Variants in DIP2C observed in about 807,000 individuals in gnomAD.
DIP2C encodes the protein disco-interacting protein 2 homolog C.
In DIP2C, 33 loss-of-function variants were observed where a neutral mutation model predicts 192.4. The observed-to-expected ratio is 0.17, with a 90% confidence interval of 0.13 to 0.23. The LOEUF (loss-of-function observed/expected upper bound fraction) is 0.23, where lower values mean the gene tolerates loss of function less well. DIP2C is among the 10% of genes least tolerant of loss of function. The pLI is 1.00. For missense variants in DIP2C, 1,537 were observed against 2,110.1 expected, an observed-to-expected ratio of 0.73 and a Z score of 5.32; for synonymous variants, 979 against 864.1, an observed-to-expected ratio of 1.13 and a Z score of -2.33.
At chr10:665,996 C>T (rs1256876516) in intron 1 of DIP2C, 1 of 152,258 alleles carries the variant, frequency 6.6e-6, no homozygotes, top group South Asian at 2.1e-4. Flanking sequence ...GGTGCTCTAA[C>T]TTCTCAGCGC....
In DIP2C at chr10:506,660, A is replaced by C. The variant is rs572484460; in HGVS notation, c.86-20130T>G. Among the ~76,000 whole-genome samples, 17 of 152,264 alleles carry C rather than the reference A, an allele frequency of 1.1e-4. No homozygotes were observed. In the South Asian group the frequency reaches 3.1e-3, roughly 28 times the overall value. ...GCACCAAGGGGCTGGGCACTCCTGC[A>C]GTCTGCAGCTGCCTCCTATCCCCCA... On this transcript the variant is annotated intron_variant, in intron 1 of 36. Coordinates refer to ENST00000280886, the MANE Select transcript of DIP2C (RefSeq NM_014974.3).
chr10:342,184 A>C (rs1466726342), intron 28 of DIP2C, among the ~76,000 whole-genome samples: 1 of 151,040 alleles, frequency 6.6e-6, no homozygotes, highest in Non-Finnish European at 1.5e-5. Flanking sequence ...TTTGAGATGG[A>C]GTCTTGCCCT....
intron 6 of DIP2C, 121 bp from the exon 7 acceptor site, chr10:416,009 G>A (rs968619376): frequency 8.2e-6 from 12 of 1,459,384 alleles, no homozygotes; most frequent in Middle Eastern, 2.0e-4. Flanking sequence ...TCCTAGATGC[G>A]ATCCTGGGAA....
intron 18 of DIP2C, among the ~76,000 whole-genome samples, chr10:367,236 T>G (rs1960361993): frequency 6.6e-6 from 1 of 151,894 alleles, no homozygotes; most frequent in Non-Finnish European, 1.5e-5. Context: ...GCTAACATGG[T>G]GAAACCCCGT....
chr10:445,570 CAT>C (rs1968110265), intron 3 of DIP2C, among the ~76,000 whole-genome samples: 2 of 150,644 alleles, frequency 1.3e-5, no homozygotes, highest in African/African-American at 4.9e-5. Context: ...CATCTGTATA[CAT>C]CTGTTGTGAA....
intron 3 of DIP2C, among the ~76,000 whole-genome samples, chr10:460,344 C>G (rs542558218): frequency 6.6e-6 from 1 of 152,288 alleles, no homozygotes; most frequent in Middle Eastern, 3.4e-3. Flanking sequence ...TCTAGGTGCT[C>G]AATAAATGCC....
intron 1 of DIP2C, among the ~76,000 whole-genome samples, chr10:688,855 G>C (rs1039530608): frequency 6.6e-6 from 1 of 152,138 alleles, no homozygotes; most frequent in South Asian, 2.1e-4. Flanking sequence ...TGACGATTCC[G>C]CCCAGCCCTC....
chr10:386,366 A>T (rs759373320), intron 14 of DIP2C, among the ~76,000 whole-genome samples: 2 of 152,230 alleles, frequency 1.3e-5, no homozygotes, highest in Non-Finnish European at 2.9e-5. Flanking sequence ...GACATGCCTG[A>T]GTCACAAAGC....
chr10:471,950 T>G (rs2133441850), intron 3 of DIP2C, among the ~76,000 whole-genome samples: 1 of 152,150 alleles, frequency 6.6e-6, no homozygotes, highest in Middle Eastern at 3.4e-3. Context: ...TTAATGAAAT[T>G]TCAGCTGGCC....
At chr10:452,177 A>G (rs564111861) in intron 3 of DIP2C, among the ~76,000 whole-genome samples, 1 of 152,320 alleles carries the variant, frequency 6.6e-6, no homozygotes, top group South Asian at 2.1e-4. Flanking sequence ...GGAGTCACTA[A>G]AAACAATTGC....
intron 1 of DIP2C, among the ~76,000 whole-genome samples, chr10:619,384 T>C (rs1007603433): frequency 1.3e-5 from 2 of 152,216 alleles, no homozygotes; most frequent in African/African-American, 4.8e-5. Flanking sequence ...ACCGTCTCCT[T>C]GCCTCCCTCA....
intron 1 of DIP2C, among the ~76,000 whole-genome samples, chr10:601,069 G>C (rs1203034371): frequency 2.0e-5 from 3 of 152,150 alleles, no homozygotes; most frequent in East Asian, 1.9e-4. Context: ...ACTCTGAAAT[G>C]AATTTGCCAC....
chr10:557,665 C>T (rs1848949915), intron 1 of DIP2C, among the ~76,000 whole-genome samples: 1 of 78,674 alleles, frequency 1.3e-5, no homozygotes, highest in East Asian at 4.1e-4. Context: ...CAGGCACATA[C>T]ACATGTGGGG....
chr10:618,131 T>C (rs1379897870), intron 1 of DIP2C, among the ~76,000 whole-genome samples: 1 of 152,254 alleles, frequency 6.6e-6, no homozygotes, highest in South Asian at 2.1e-4. Flanking sequence ...GTGAAACAAG[T>C]ATCTTCAACA....
At chr10:422,545 G>A (rs1966266737) in intron 5 of DIP2C, among the ~76,000 whole-genome samples, 2 of 152,186 alleles carry the variant, frequency 1.3e-5, no homozygotes, top group Admixed American at 6.5e-5. Context: ...GACTGTTAAG[G>A]TTTCATGTAG....
At chr10:573,308 G>C (rs1454624539) in intron 1 of DIP2C, among the ~76,000 whole-genome samples, 1 of 152,028 alleles carries the variant, frequency 6.6e-6, no homozygotes, top group African/African-American at 2.4e-5. Flanking sequence ...GAAAAAACAG[G>C]GATGATTAAG....
At chr10:591,961 A>G (rs1283671168) in intron 1 of DIP2C, among the ~76,000 whole-genome samples, 1 of 152,216 alleles carries the variant, frequency 6.6e-6, no homozygotes, top group Non-Finnish European at 1.5e-5. Flanking sequence ...GTCTCTGAAG[A>G]ACGATGCGAG....
chr10:591,294 T>C (rs1159995791), intron 1 of DIP2C, among the ~76,000 whole-genome samples: 2 of 152,028 alleles, frequency 1.3e-5, no homozygotes, highest in African/African-American at 4.8e-5. Flanking sequence ...CTGGCTAATA[T>C]TCATATTTTC....
At chr10:386,260 G>A (rs958729513) in intron 14 of DIP2C, among the ~76,000 whole-genome samples, 1 of 152,334 alleles carries the variant, frequency 6.6e-6, no homozygotes, top group African/African-American at 2.4e-5. Flanking sequence ...TTAGGCCACA[G>A]AATTCTCACA....
Sources: gnomAD v4.1 joint callset for allele counts (sites outside exome capture counted in the v4.1 genomes callset) on GRCh38, gnomAD v4.1.1 for gene constraint, MANE v1.5 for transcripts, NCBI Gene and HGNC (gene_info 2026-07-23, HGNC 2026-07-21) for gene names.